The following TRPV6 variants were observed in gnomAD, a reference collection of about 807,000 sequenced individuals.
The protein encoded by TRPV6 is transient receptor potential cation channel subfamily V member 6.
TRPV6 carries 39 observed loss-of-function variants against 79.0 expected under a neutral mutation model. That is an observed-to-expected ratio of 0.49 (90% CI 0.38 to 0.64). TRPV6 has a LOEUF of 0.64. TRPV6 is among the 30% of genes least tolerant of loss of function. The pLI is 0.00. For synonymous variants in TRPV6, 373 were observed against 391.9 expected (o/e 0.95, Z 0.57); for missense variants, 813 against 1,011.1 (o/e 0.80, Z 2.66).
Position 142,876,841 on chromosome 7 carries a change from T to C in TRPV6, c.608-4A>G. 1 of 1,614,038 alleles carries C rather than the reference T, an allele frequency of 6.2e-7. No homozygotes were observed. The highest frequency in any genetic ancestry group is 8.5e-7 in the Non-Finnish European group (1 of 1,179,964). On this transcript the variant is annotated splice_region_variant and splice_polypyrimidine_tract_variant and intron_variant, in intron 4 of 14. Transcript: ENST00000359396. ...GCAAAGGACAAAGGGTGCTCCCCTGTGGACACAGAGAGATCTATGGTAGGA... is the reference window on the plus strand; with the variant it reads ...GCAAAGGACAAAGGGTGCTCCCCTGCGGACACAGAGAGATCTATGGTAGGA...
intron 5 of TRPV6, 63 bp from the exon 6 acceptor site, chr7:142,876,646 C>T (rs1219161421): frequency 1.2e-6 from 2 of 1,612,396 alleles, no homozygotes; most frequent in Admixed American, 1.7e-5. Flanking sequence ...CCCATCCCCA[C>T]CCTGAGGTCT....
intron 10 of TRPV6, 120 bp from the exon 11 acceptor site, chr7:142,874,776 C>T: frequency 1.3e-6 from 2 of 1,550,310 alleles, no homozygotes; most frequent in Non-Finnish European, 1.8e-6. Context: ...ACACTCAATG[C>T]CCAGGGTCAT....
rs765765664 is a variant in TRPV6, at chr7:142,873,384, T to TG, written c.1908+63dup. 9.4e-6 allele frequency: 15 copies of TG among 1,590,354 alleles called. No individual in the cohort carries two copies. Among genetic ancestry groups the TG allele is most frequent in the Non-Finnish European group, 1.3e-5 (15 of 1,165,806 alleles). ...GGTGGAGATATCCTGTCTCTCAGCT[T>TG]GGCAGGTTCCTTGGTAGGAAGGGGA... On this transcript the variant is annotated intron_variant, in intron 13 of 14. Coordinates refer to ENST00000359396, the MANE Select transcript of TRPV6 (RefSeq NM_018646.6). The surrounding 1 kb of genome is among the most constrained non-coding windows in gnomAD (Gnocchi z 4.8).
Position 142,876,526 on chromosome 7 carries a change from A to C in TRPV6, c.764T>G (p.Met255Arg). The change falls in exon 6 of 15, where the codon ATG (methionine) becomes AGG (arginine). Residue 255 changes from methionine (M) to arginine (R), a missense_variant. Around this residue, in one of 3 missense-constraint regions of TRPV6, gnomAD observed 555 missense variants for 631.0 expected, o/e 0.88. Coordinates refer to ENST00000359396, the MANE Select transcript of TRPV6 (RefSeq NM_018646.6). ...GTCGTAGGACAGCAACAGGTTGTAC[A>C]TCTGGCAGGCAAAGGTTTTGTTGGG... 4 of 1,614,180 alleles carry C rather than the reference A, an allele frequency of 2.5e-6. No homozygotes were observed. Among genetic ancestry groups the C allele is most frequent in the Non-Finnish European group, 3.4e-6 (4 of 1,180,028 alleles).
At position 142,875,909 on chromosome 7, in the gene TRPV6, G is replaced by A; in HGVS notation, c.883-5C>T. 6.4e-7 allele frequency: 1 copy of A among 1,570,928 alleles called. No individual in the cohort carries two copies. The highest frequency in any genetic ancestry group is 8.6e-7 in the Non-Finnish European group (1 of 1,159,244). Reference sequence around the variant, plus strand: ...CTGCATCAGGTGCTGAAACATCTAAGGGAAAGTGAAGATGACTCAGGAGCA... The same window carrying A: ...CTGCATCAGGTGCTGAAACATCTAAAGGAAAGTGAAGATGACTCAGGAGCA... On this transcript the variant is annotated splice_region_variant and splice_polypyrimidine_tract_variant and intron_variant, in intron 6 of 14. Transcript: ENST00000359396.
chr7:142,876,997 C>G, intron 4 of TRPV6, 145 bp downstream of exon 4: 1 of 1,441,170 alleles, frequency 6.9e-7, no homozygotes, highest in Non-Finnish European at 9.3e-7. Flanking sequence ...GTAAATTGGC[C>G]TCTAGTCTAA....
rs1334750289 is a variant in TRPV6 at position 142,874,632 on chromosome 7, C to T, written c.1431G>A (p.Leu477=). ...TGATGAGCCGCATCACCATGGTCAC[C>T]AGCACCATGAAGGCATAGGTGATGC... Residue 477 remains leucine, a synonymous_variant, in exon 11 of 15, where the codon CTG becomes CTA. Transcript: ENST00000359396. The T allele has an allele frequency of 1.2e-6, 2 of 1,614,038 alleles. No individual in the cohort carries two copies. The highest frequency in any genetic ancestry group is 1.7e-6 in the Non-Finnish European group (2 of 1,179,966).
At chr7:142,876,709 C>A (rs1041352088) in intron 5 of TRPV6, 30 bp downstream of exon 5, 3 of 1,613,804 alleles carry the variant, frequency 1.9e-6, no homozygotes, top group Admixed American at 1.7e-5. Flanking sequence ...CCTGCAGCAT[C>A]CCAGCTCCCC....
chr7:142,881,323 A>G (rs1267066117), intron 1 of TRPV6: 1 of 152,190 alleles, frequency 6.6e-6, no homozygotes, highest in Non-Finnish European at 1.5e-5. Context: ...GACAGCCCTC[A>G]CTGCAAAGAA....
intron 4 of TRPV6, 44 bp downstream of exon 4, chr7:142,877,098 C>A (rs1412689653): frequency 6.3e-7 from 1 of 1,590,790 alleles, no homozygotes; most frequent in East Asian, 2.3e-5. Flanking sequence ...CTGCCTTGCC[C>A]ACCTTTCCAA....
Position 142,871,590 on chromosome 7 carries a change from C to T in TRPV6, c.*117G>A. On this transcript the variant is annotated 3_prime_UTR_variant, in exon 15 of 15. Coordinates refer to ENST00000359396, the MANE Select transcript of TRPV6 (RefSeq NM_018646.6). The stretch of plus-strand genomic sequence containing the variant: ...CGTACATTCCTTGGCGTTCATGCTA[C>T]TCCTCTTTCTCCCCTGGGGCCTGGG... 8.0e-7 allele frequency: 1 copy of T among 1,251,140 alleles called. No homozygotes were observed. Among genetic ancestry groups the T allele is most frequent in the Middle Eastern group, 2.0e-4 (1 of 5,084 alleles). The allele number at this position is 1,251,140 out of a possible 1,614,324, so 77.5% of individuals were successfully genotyped here. A position where few individuals can be genotyped will look rare whatever the true frequency, so the allele number is the denominator to read the frequency against.
chr7:142,879,207 G>A (rs991729583), intron 1 of TRPV6: 4 of 152,098 alleles, frequency 2.6e-5, no homozygotes, highest in African/African-American at 7.2e-5. Flanking sequence ...TTCTGTCTTC[G>A]GACCCTTCCT....
At chr7:142,877,843 G>A in intron 2 of TRPV6, 70 bp from the exon 3 acceptor site, 1 of 1,612,902 alleles carries the variant, frequency 6.2e-7, no homozygotes, top group Non-Finnish European at 8.5e-7. Context: ...AGATTCAGAG[G>A]CCAACAGCAC....
chr7:142,874,062 G>A lies in TRPV6; in HGVS notation c.1639+14C>T. ...CTTCCCTGCCATGGCCCCTGGTCCT[G>A]GACAGATGATTACCTGAAGCAAAGC... On this transcript the variant is annotated intron_variant, in intron 12 of 14. Transcript: ENST00000359396. 1 of 1,612,606 alleles carries A rather than the reference G, an allele frequency of 6.2e-7. No homozygotes were observed. The highest frequency in any genetic ancestry group is 8.5e-7 in the Non-Finnish European group (1 of 1,179,302).
chr7:142,871,588 T>C lies in TRPV6; in HGVS notation c.*119A>G, dbSNP rs749765807. 2 of 1,229,138 alleles carry C rather than the reference T, an allele frequency of 1.6e-6. No individual in the cohort carries two copies. The allele number at this position is 1,229,138 out of a possible 1,614,324, so 76.1% of individuals were successfully genotyped here. A position where few individuals can be genotyped will look rare whatever the true frequency, so the allele number is the denominator to read the frequency against. ...AACGTACATTCCTTGGCGTTCATGC[T>C]ACTCCTCTTTCTCCCCTGGGGCCTG... is the stretch of plus-strand genomic sequence containing the variant. On this transcript the variant is annotated 3_prime_UTR_variant, in exon 15 of 15. Coordinates refer to ENST00000359396, the MANE Select transcript of TRPV6 (RefSeq NM_018646.6).
At position 142,875,589 on chromosome 7, in the gene TRPV6, G is replaced by A. The variant is rs1471250493; in HGVS notation, c.1121C>T (p.Ala374Val). 1 of 1,613,508 alleles carries A rather than the reference G, an allele frequency of 6.2e-7. No individual in the cohort carries two copies. Among genetic ancestry groups the A allele is most frequent in the Non-Finnish European group, 8.5e-7 (1 of 1,179,976 alleles). The stretch of plus-strand genomic sequence containing the variant: ...GCAGATGATGTACAGCAGATATATG[G>A]CACCCAGCATGCAGAAGTACGGCCG... Residue 374 changes from alanine (A) to valine (V), a missense_variant, in exon 8 of 15, where the codon GCC becomes GTC. Ala to Val is a moderately conservative substitution (Grantham distance 64, BLOSUM62 0). This residue lies in a region of TRPV6 where 555 missense variants were observed against 631.0 expected (regional missense o/e 0.88). Coordinates refer to ENST00000359396, the MANE Select transcript of TRPV6 (RefSeq NM_018646.6).
At chr7:142,877,489 T>C (rs569335248) in intron 3 of TRPV6, 162 bp downstream of exon 3, 11 of 1,445,112 alleles carry the variant, frequency 7.6e-6, no homozygotes, top group South Asian at 1.4e-5. Flanking sequence ...GGCGTTCTAG[T>C]GATGGGCAGT....
intron 3 of TRPV6, 65 bp from the exon 4 acceptor site, chr7:142,877,344 A>G (rs1563356276): frequency 6.3e-7 from 1 of 1,592,998 alleles, no homozygotes; most frequent in Non-Finnish European, 8.6e-7. Context: ...TCCCTCCCAT[A>G]TGCACCCCAG....
rs777952333 is a variant in TRPV6, at chr7:142,875,460, G to A, written c.1242+8C>T. On this transcript the variant is annotated splice_region_variant and intron_variant, in intron 8 of 14. Transcript: ENST00000359396. ...TGCCCTGCTGATCTGCTCCTACAAG[G>A]GTGTCACCTGAAGTAGCTTCTGCTG... 1 of 1,561,266 alleles carries A rather than the reference G, an allele frequency of 6.4e-7. No individual in the cohort carries two copies. The highest frequency in any genetic ancestry group is 8.6e-7 in the Non-Finnish European group (1 of 1,156,570).
Sources: gnomAD v4.1 joint callset for allele counts on GRCh38, gnomAD v4.1.1 for gene constraint, gnomAD v4.1.1 regional missense constraint, Gnocchi (gnomAD v3.1) non-coding constraint, MANE v1.5 for transcripts, NCBI Gene and HGNC (gene_info 2026-07-23, HGNC 2026-07-21) for gene names.